The following ZC3H7B variants were observed in gnomAD, a reference collection of about 807,000 sequenced individuals.
The protein encoded by ZC3H7B is zinc finger CCCH-type containing 7B, also known as zinc finger CCCH domain-containing protein 7B.
In ZC3H7B, 35 loss-of-function variants were observed where a neutral mutation model predicts 116.0. The observed-to-expected ratio is 0.30, with a 90% CI of 0.23 to 0.40. The LOEUF (loss-of-function observed/expected upper bound fraction) is 0.40, where lower values mean the gene tolerates loss of function less well. Among genes scored for constraint, ZC3H7B ranks in the 10% least tolerant of loss-of-function variants. ZC3H7B has a pLI of 1.00. For missense variants in ZC3H7B, 1,011 were observed against 1,321.5 expected (o/e 0.77, Z 3.64); for synonymous variants, 502 against 545.6 (o/e 0.92, Z 1.11).
At chr22:41,305,890 G>GACAC (rs1178351498) in intron 1 of ZC3H7B, among the ~76,000 whole-genome samples, 1 of 152,202 alleles carries the variant, frequency 6.6e-6, no homozygotes, top group Non-Finnish European at 1.5e-5. Flanking sequence ...GTGCCAGGAT[G>GACAC]ACACACTCAG....
intron 11 of ZC3H7B, among the ~76,000 whole-genome samples, chr22:41,341,523 C>T (rs2036522445): frequency 6.6e-6 from 1 of 151,862 alleles, no homozygotes; most frequent in Admixed American, 6.6e-5. Context: ...TTGGGCGGAT[C>T]ACAAGGTCAG....
At chr22:41,318,861 A>C (rs376539997) in intron 1 of ZC3H7B, among the ~76,000 whole-genome samples, 17 of 152,144 alleles carry the variant, frequency 1.1e-4, no homozygotes, top group Admixed American at 6.6e-5. Context: ...AGATACACCA[A>C]CAAGGCATCT....
intron 10 of ZC3H7B, 78 bp from the exon 11 acceptor site, chr22:41,341,010 A>C: frequency 7.0e-7 from 1 of 1,420,536 alleles, no homozygotes. Context: ...AGTCAGCAAT[A>C]CATAAGGGGA....
At position 41,327,597 on chromosome 22, in the gene ZC3H7B, C is replaced by G. The variant is rs2036334486; in HGVS notation, c.444+233C>G. ...AACTCACCTAATACTGGCAATAACC[C>G]TAAGAGGCAGATACTGTGATTATTC... On this transcript the variant is annotated intron_variant, in intron 5 of 22. Coordinates refer to ENST00000352645, the MANE Select transcript of ZC3H7B (RefSeq NM_017590.6). The surrounding 1 kb of genome is among the most constrained non-coding windows in gnomAD (Gnocchi z 4.5). 6.6e-6 allele frequency among the ~76,000 whole-genome samples: 1 copy of G among 152,234 alleles called. No individual in the cohort carries two copies. Among genetic ancestry groups the G allele is most frequent in the Admixed American group, 6.5e-5 (1 of 15,280 alleles).
Position 41,327,933 on chromosome 22 carries a change from G to A in ZC3H7B, c.444+569G>A, listed in dbSNP as rs935005163. ...GAGCTCAGGAGTTTGCAACTAGCCT[G>A]AGCAACATAGCAAGACCCTGTTTCA... On this transcript the variant is annotated intron_variant, in intron 5 of 22. Coordinates refer to ENST00000352645, the MANE Select transcript of ZC3H7B (RefSeq NM_017590.6). This position sits in a 1 kb window ranked among gnomAD's most constrained non-coding sequence, Gnocchi z 4.5. 2.0e-5 allele frequency among the ~76,000 whole-genome samples: 3 copies of A among 152,148 alleles called. No homozygotes were observed. The highest frequency in any genetic ancestry group is 2.9e-5 in the Non-Finnish European group (2 of 68,028).
intron 1 of ZC3H7B, among the ~76,000 whole-genome samples, chr22:41,314,843 C>T (rs915007325): frequency 7.1e-6 from 1 of 141,704 alleles, no homozygotes; most frequent in Non-Finnish European, 1.5e-5. Flanking sequence ...CTCCTGACCT[C>T]GTGATCTGCC....
Position 41,301,541 on chromosome 22 carries a change from CG to C in ZC3H7B, c.-235del, listed in dbSNP as rs1220961643. 1 of 152,076 alleles carries C rather than the reference CG, an allele frequency of 6.6e-6. No individual in the cohort carries two copies. Among genetic ancestry groups the C allele is most frequent in the Non-Finnish European group, 1.5e-5 (1 of 68,010 alleles). 9.4% of individuals were successfully genotyped at this position (152,076 alleles called of 1,614,324 possible). ...AGCTGCAGGGAGACAGTGCCTCCAG[CG>C]GGTGCTGCCGCGAGCGGCCAGCCGA... On this transcript the variant is annotated 5_prime_UTR_variant, in exon 1 of 23. Transcript: ENST00000352645.
chr22:41,318,528 C>CAAAA lies in ZC3H7B; in HGVS notation c.-6-2111_-6-2108dup, dbSNP rs61267547. Among the ~76,000 whole-genome samples the CAAAA allele has an allele frequency of 9.4e-4, 87 of 92,320 alleles. 6 individuals are homozygous for CAAAA. Among genetic ancestry groups the CAAAA allele is most frequent in the African/African-American group, 3.5e-3 (79 of 22,518 alleles). The allele number at this position is 92,320 out of a possible 152,430, so 60.6% of individuals were successfully genotyped here. On this transcript the variant is annotated intron_variant, in intron 1 of 22. Transcript: ENST00000352645. ...TGGGCAACAGAGCAAGACTCCGCCT[C>CAAAA]AAAAAAAAAAAAAAAAAAAGACCAG...
intron 4 of ZC3H7B, among the ~76,000 whole-genome samples, chr22:41,326,215 G>T (rs1386046923): frequency 6.6e-6 from 1 of 152,196 alleles, no homozygotes; most frequent in Non-Finnish European, 1.5e-5. Context: ...GTGACCCTGG[G>T]CCTTGGTGGG....
chr22:41,356,748 A>T lies in ZC3H7B; in HGVS notation c.2621A>T (p.Asp874Val), dbSNP rs2145945780. ...EKHKEKVFTS[D>V]SDASGWAFRF... Reference sequence around the variant, plus strand: ...CACAAGGAGAAGGTCTTCACGTCCGACAGTGACGCCAGCGGCTGGGCCTTC... The same window carrying T: ...CACAAGGAGAAGGTCTTCACGTCCGTCAGTGACGCCAGCGGCTGGGCCTTC... Residue 874 changes from aspartate (D) to valine (V), a missense_variant, in exon 22 of 23, where the codon GAC (aspartate) becomes GTC (valine). Asp to Val is a radical substitution (Grantham distance 152). This residue lies in a region of ZC3H7B where 406 missense variants were observed against 590.2 expected (regional missense o/e 0.69). Transcript: ENST00000352645. 1 of 1,613,656 alleles carries T rather than the reference A, an allele frequency of 6.2e-7. No individual in the cohort carries two copies. Among genetic ancestry groups the T allele is most frequent in the Non-Finnish European group, 8.5e-7 (1 of 1,179,988 alleles).
At chr22:41,318,639 C>T (rs2036214412) in intron 1 of ZC3H7B, among the ~76,000 whole-genome samples, 1 of 151,080 alleles carries the variant, frequency 6.6e-6, no homozygotes, top group African/African-American at 2.4e-5. Context: ...ATCTCAGCTG[C>T]TTGGGAGGCT....
rs184423793 is a variant in ZC3H7B at position 41,346,127 on chromosome 22, G to T, written c.1584G>T (p.Pro528=). Residue 528 remains proline (P), a synonymous_variant, in exon 14 of 23, where the codon CCG becomes CCT. Transcript: ENST00000352645. This position sits in a 1 kb window ranked among gnomAD's most constrained non-coding sequence, Gnocchi z 5.3. ...TCAACCGCGACCTGCTCTTCGACCC[G>T]CTGGGGGGTGTTAAGCGCGGCAGCC... ...GTLNRDLLFD[P]LGGVKRGSLT... is the part of the protein sequence containing the mutation. 19 of 1,613,400 alleles carry T rather than the reference G, an allele frequency of 1.2e-5. No individual in the cohort carries two copies. The African/African-American group carries it at 1.7e-4, about 15-fold the overall frequency.
chr22:41,317,819 G>A (rs1323170788), intron 1 of ZC3H7B, among the ~76,000 whole-genome samples: 1 of 152,050 alleles, frequency 6.6e-6, no homozygotes, highest in Non-Finnish European at 1.5e-5. Context: ...GGAGGGAAGG[G>A]TGTGGGCTGT....
intron 14 of ZC3H7B, 148 bp from the exon 15 acceptor site, chr22:41,347,919 G>A (rs1007581492): frequency 1.5e-6 from 1 of 667,194 alleles, no homozygotes; most frequent in African/African-American, 1.8e-5. Context: ...CAAGACCACA[G>A]ACCCTGGGAT....
intron 1 of ZC3H7B, among the ~76,000 whole-genome samples, chr22:41,303,074 G>C (rs2035993851): frequency 1.3e-5 from 2 of 152,202 alleles, no homozygotes; most frequent in South Asian, 2.1e-4. Context: ...AGAATCTTTA[G>C]TTCTACTACC....
In ZC3H7B at chr22:41,312,243, G is replaced by A. The variant is rs188216171; in HGVS notation, c.-6-8412G>A. ...GTACTTTGGGAGGCTGAGGCGGGCA[G>A]ATCACCTGAGTCCAGGTGTTCAAGA... On this transcript the variant is annotated intron_variant, in intron 1 of 22. Coordinates refer to ENST00000352645, the MANE Select transcript of ZC3H7B (RefSeq NM_017590.6). 4.5e-3 allele frequency among the ~76,000 whole-genome samples: 676 copies of A among 151,874 alleles called. 3 individuals are homozygous for A. The Middle Eastern group carries it at 0.045, about 10-fold the overall frequency.
chr22:41,350,946 A>G (rs928430583), intron 16 of ZC3H7B, among the ~76,000 whole-genome samples: 1 of 152,194 alleles, frequency 6.6e-6, no homozygotes, highest in African/African-American at 2.4e-5. Context: ...AGAAAGATGG[A>G]GAGCGCTGAA....
intron 11 of ZC3H7B, among the ~76,000 whole-genome samples, chr22:41,342,157 C>T (rs2036530897): frequency 6.6e-6 from 1 of 152,118 alleles, no homozygotes; most frequent in Non-Finnish European, 1.5e-5. Context: ...TGCCTTCCTC[C>T]CCATCTGCTG....
At chr22:41,354,584 G>A (rs1373997245) in intron 17 of ZC3H7B, among the ~76,000 whole-genome samples, 1 of 152,138 alleles carries the variant, frequency 6.6e-6, no homozygotes, top group Non-Finnish European at 1.5e-5. Context: ...CCCTGCACTC[G>A]AGGCTCCTGG....
Sources: allele counts gnomAD v4.1 joint callset (sites outside exome capture counted in the v4.1 genomes callset), GRCh38; gene constraint gnomAD v4.1.1; regional missense constraint gnomAD v4.1.1; non-coding constraint Gnocchi (gnomAD v3.1); transcripts MANE v1.5; gene names NCBI Gene and HGNC (gene_info 2026-07-23, HGNC 2026-07-21).